TENM2: variants seen among roughly 807,000 people sequenced by gnomAD.
TENM2 encodes the protein teneurin transmembrane protein 2.
TENM2 carries 52 observed loss-of-function variants against 245.2 expected under a neutral mutation model. The ratio of observed to expected loss-of-function variants is 0.21; its 90% CI spans 0.17 to 0.27. The LOEUF (loss-of-function observed/expected upper bound fraction) is 0.27, where lower values mean the gene tolerates loss of function less well. TENM2 is among the 10% of genes least tolerant of loss of function. TENM2 has a pLI of 1.00. For missense variants in TENM2, 3,046 were observed against 3,666.8 expected (o/e 0.83, Z 4.37); for synonymous variants, 1,363 against 1,438.9 (o/e 0.95, Z 1.19).
the TENM2 span, among the ~76,000 whole-genome samples, chr5:167,202,216 ATTCTTTCAAGT>A: frequency 6.6e-6 from 1 of 152,090 alleles, no homozygotes; most frequent in Admixed American, 6.6e-5. Flanking sequence ...GTCTTCTTAG[ATTCTTTCAAGT>A]TTCTTTAGGT....
At chr5:167,142,830 A>G in the TENM2 span, among the ~76,000 whole-genome samples, 4 of 152,326 alleles carry the variant, frequency 2.6e-5, no homozygotes, top group South Asian at 8.3e-4. Context: ...GATTACAGGC[A>G]TGAGCCATTT....
At chr5:167,679,432 C>G (rs916396647) in intron 2 of TENM2, among the ~76,000 whole-genome samples, 3 of 152,244 alleles carry the variant, frequency 2.0e-5, no homozygotes, top group African/African-American at 7.2e-5. Flanking sequence ...TCAGCTAGTA[C>G]TATAGATGAA....
intron 2 of TENM2, among the ~76,000 whole-genome samples, chr5:167,626,010 G>A (rs921532593): frequency 8.6e-5 from 13 of 152,032 alleles, no homozygotes; most frequent in Admixed American, 8.5e-4. Flanking sequence ...CCAACCTTGG[G>A]ACCCATCCTT....
At chr5:167,589,793 A>T (rs922453652) in intron 2 of TENM2, among the ~76,000 whole-genome samples, 11 of 151,936 alleles carry the variant, frequency 7.2e-5, no homozygotes, top group African/African-American at 2.4e-4. Context: ...ACTTTACATT[A>T]ATGTTCTATC....
At chr5:167,969,664 A>G (rs930382776) in intron 4 of TENM2, among the ~76,000 whole-genome samples, 4 of 152,144 alleles carry the variant, frequency 2.6e-5, no homozygotes, top group Non-Finnish European at 4.4e-5. Context: ...GCACTTCTTT[A>G]CTTTCTACCA....
intron 2 of TENM2, among the ~76,000 whole-genome samples, chr5:167,775,710 T>A (rs1451903363): frequency 2.0e-5 from 3 of 152,050 alleles, no homozygotes; most frequent in Non-Finnish European, 2.9e-5. Flanking sequence ...AAACAAGACA[T>A]GGTCCCTATT....
At position 168,246,094 on chromosome 5, in the gene TENM2, G is replaced by T. The variant is rs1026782827; in HGVS notation, c.5818-663G>T. On this transcript the variant is annotated intron_variant, in intron 26 of 28. Transcript: ENST00000518659. ...CTAAAAATATGAAAATTAGCCAGGC[G>T]TGGTGGTGCATGCCTGTAATTCCAG... Among the ~76,000 whole-genome samples the T allele has an allele frequency of 3.3e-5, 5 of 152,140 alleles. No homozygotes were observed. The East Asian group carries it at 9.7e-4, about 29-fold the overall frequency.
intron 2 of TENM2, among the ~76,000 whole-genome samples, chr5:167,663,584 C>T (rs1350605841): frequency 1.3e-5 from 2 of 151,954 alleles, no homozygotes; most frequent in Admixed American, 1.3e-4. Context: ...GGATTTTTTG[C>T]AGTTTCTAAA....
chr5:167,244,694 G>C, the TENM2 span, among the ~76,000 whole-genome samples: 1 of 152,168 alleles, frequency 6.6e-6, no homozygotes, highest in Non-Finnish European at 1.5e-5. Context: ...GTTAGTCACT[G>C]TACCTCCGAG....
At chr5:167,464,552 T>G (rs1270099127) in intron 2 of TENM2, among the ~76,000 whole-genome samples, 1 of 152,204 alleles carries the variant, frequency 6.6e-6, no homozygotes, top group Admixed American at 6.5e-5. Flanking sequence ...ATATTAGGTT[T>G]TTCTTTTTAA....
the TENM2 span, among the ~76,000 whole-genome samples, chr5:167,175,854 C>T: frequency 5.9e-4 from 90 of 152,266 alleles, no homozygotes; most frequent in African/African-American, 2.0e-3. Flanking sequence ...GGATTACAGG[C>T]GCGTGCCGTG....
chr5:167,925,596 A>C (rs2151662972), intron 3 of TENM2, among the ~76,000 whole-genome samples: 1 of 152,358 alleles, frequency 6.6e-6, no homozygotes, highest in South Asian at 2.1e-4. Flanking sequence ...CAGCAATCCC[A>C]TTACTGGGTA....
intron 7 of TENM2, chr5:168,085,418 A>T (rs1301597794): frequency 1.3e-5 from 2 of 152,206 alleles, no homozygotes; most frequent in Admixed American, 6.5e-5. Context: ...GGAAATGCAG[A>T]TGCTGTTTCC....
At chr5:167,315,796 G>A (rs950752172) in intron 1 of TENM2, among the ~76,000 whole-genome samples, 2 of 152,084 alleles carry the variant, frequency 1.3e-5, no homozygotes, top group African/African-American at 4.8e-5. Context: ...CTGGGAGTGG[G>A]CATTCTATAG....
chr5:168,189,964 T>C (rs1458109411), intron 13 of TENM2, among the ~76,000 whole-genome samples: 1 of 152,146 alleles, frequency 6.6e-6, no homozygotes, highest in Non-Finnish European at 1.5e-5. Flanking sequence ...CCCTGGGAAC[T>C]GACCGTGGGT....
At chr5:167,136,257 G>A in the TENM2 span, among the ~76,000 whole-genome samples, 3 of 152,086 alleles carry the variant, frequency 2.0e-5, no homozygotes, top group African/African-American at 7.2e-5. Context: ...GGTCTGAAAC[G>A]TATAGGCTGA....
intron 2 of TENM2, among the ~76,000 whole-genome samples, chr5:167,780,514 C>G (rs1411503374): frequency 6.6e-6 from 1 of 152,132 alleles, no homozygotes; most frequent in African/African-American, 2.4e-5. Context: ...TTTAAAATGG[C>G]CCCTGAGCAT....
the TENM2 span, among the ~76,000 whole-genome samples, chr5:167,012,810 C>T: frequency 6.6e-6 from 1 of 152,142 alleles, no homozygotes; most frequent in Non-Finnish European, 1.5e-5. Flanking sequence ...CAAGCATATA[C>T]CATGGGGAGC....
At chr5:167,091,881 A>G in the TENM2 span, among the ~76,000 whole-genome samples, 1 of 152,192 alleles carries the variant, frequency 6.6e-6, no homozygotes, top group South Asian at 2.1e-4. Flanking sequence ...CAGTGTAAAG[A>G]AAATCTTGGC....
Sources: allele counts gnomAD v4.1 joint callset (sites outside exome capture counted in the v4.1 genomes callset), GRCh38; gene constraint gnomAD v4.1.1; transcripts MANE v1.5; gene names NCBI Gene and HGNC (gene_info 2026-07-23, HGNC 2026-07-21).